Variants in MPP7 observed in about 807,000 individuals in gnomAD.
The protein encoded by MPP7 is MAGUK p55 scaffold protein 7.
Under a neutral mutation model 76.5 loss-of-function variants are expected in MPP7, and 60 were observed. That is an observed-to-expected ratio of 0.78 (90% confidence interval 0.64 to 0.97). The LOEUF (loss-of-function observed/expected upper bound fraction) is 0.97. Among genes scored for constraint, MPP7 ranks in the 50% least tolerant of loss-of-function variants. The probability of loss-of-function intolerance (pLI) is 0.00; values close to 1 mark genes in which losing one functional copy is unlikely to be tolerated. For missense variants in MPP7, 641 were observed against 694.0 expected (o/e 0.92, Z 0.86); for synonymous variants, 237 against 244.5 (o/e 0.97, Z 0.29).
At chr10:28,097,270 C>A (rs533408577) in intron 11 of MPP7, among the ~76,000 whole-genome samples, 1 of 152,276 alleles carries the variant, frequency 6.6e-6, no homozygotes, top group South Asian at 2.1e-4. Context: ...GCATGAGCCA[C>A]CATACCTCGC....
intron 3 of MPP7, among the ~76,000 whole-genome samples, chr10:28,176,944 T>A (rs1836883725): frequency 6.8e-6 from 1 of 147,812 alleles, no homozygotes; most frequent in Admixed American, 6.8e-5. Flanking sequence ...AGTTAATGGG[T>A]GCAGCACACC....
At chr10:28,202,293 C>A in intron 2 of MPP7, 22 bp from the exon 3 acceptor site, 1 of 1,538,970 alleles carries the variant, frequency 6.5e-7, no homozygotes, top group Non-Finnish European at 9.0e-7. Flanking sequence ...AAATAAAACA[C>A]AAAGTGTAAT....
intron 1 of MPP7, among the ~76,000 whole-genome samples, chr10:28,249,883 T>A (rs1285263320): frequency 6.6e-6 from 1 of 152,204 alleles, no homozygotes; most frequent in East Asian, 1.9e-4. Flanking sequence ...GGCCATTGTT[T>A]TAGCCAAGAA....
chr10:28,108,823 G>C (rs1047564307), intron 11 of MPP7, among the ~76,000 whole-genome samples: 7 of 152,094 alleles, frequency 4.6e-5, no homozygotes, highest in Admixed American at 4.6e-4. Flanking sequence ...TTAATGCCTT[G>C]AGCAATTTCT....
chr10:28,080,179 G>A (rs1045463524), intron 12 of MPP7, among the ~76,000 whole-genome samples: 1 of 151,934 alleles, frequency 6.6e-6, no homozygotes, highest in African/African-American at 2.4e-5. Context: ...AGTAAAAAGT[G>A]GGAAGCTTAT....
At chr10:28,063,714 C>T (rs1396628527) in intron 13 of MPP7, among the ~76,000 whole-genome samples, 2 of 152,130 alleles carry the variant, frequency 1.3e-5, no homozygotes, top group African/African-American at 4.8e-5. Context: ...TTATGAGAAT[C>T]TAATGTCTGA....
chr10:28,158,855 A>G (rs1836160173), intron 3 of MPP7, among the ~76,000 whole-genome samples: 1 of 152,190 alleles, frequency 6.6e-6, no homozygotes, highest in Non-Finnish European at 1.5e-5. Context: ...CTGGCCTGAG[A>G]AGAGGCAATA....
intron 2 of MPP7, among the ~76,000 whole-genome samples, chr10:28,312,012 G>A (rs573892455): frequency 1.4e-4 from 22 of 152,034 alleles, no homozygotes; most frequent in Admixed American, 5.2e-4. Flanking sequence ...GCAGGTTTAC[G>A]GTCTGGCTGA....
At chr10:28,333,582 A>G (rs1834489379) in intron 1 of MPP7, among the ~76,000 whole-genome samples, 2 of 152,236 alleles carry the variant, frequency 1.3e-5, no homozygotes, top group South Asian at 4.1e-4. Context: ...GCAACGTTGT[A>G]CATTTGTGAA....
At position 28,228,079 on chromosome 10, in the gene MPP7, T is replaced by A. The variant is rs149856714; in HGVS notation, c.37+10489A>T. Among the ~76,000 whole-genome samples the A allele has an allele frequency of 9.9e-5, 15 of 152,282 alleles. No individual in the cohort carries two copies. In the East Asian group the frequency reaches 2.9e-3, roughly 29 times the overall value. On this transcript the variant is annotated intron_variant, in intron 2 of 16. Transcript: ENST00000683449. ...AAGAAACCGAAAAGTATGAATATGA[T>A]CAAATCAAATCAGCAAAGTATACTT...
chr10:28,188,713 T>C (rs951113562), intron 3 of MPP7, among the ~76,000 whole-genome samples: 5 of 152,000 alleles, frequency 3.3e-5, no homozygotes, highest in Non-Finnish European at 7.4e-5. Flanking sequence ...TGAAAGAAGC[T>C]TGAGGGAAAA....
chr10:28,076,612 G>T (rs1427388785), intron 12 of MPP7, among the ~76,000 whole-genome samples: 4 of 152,120 alleles, frequency 2.6e-5, no homozygotes, highest in Non-Finnish European at 5.9e-5. Context: ...GCCAGGCCAG[G>T]CCCAGTGGCT....
intron 2 of MPP7, among the ~76,000 whole-genome samples, chr10:28,220,794 T>G (rs1386782738): frequency 5.3e-5 from 8 of 152,134 alleles, no homozygotes. Flanking sequence ...AGATAAAGAA[T>G]GAGTATGTAG....
chr10:28,202,201 G>A lies in MPP7; in HGVS notation c.108C>T (p.Thr36=), dbSNP rs867188273. The A allele has an allele frequency of 3.1e-6, 5 of 1,613,668 alleles. No individual in the cohort carries two copies. Among genetic ancestry groups the A allele is most frequent in the Admixed American group, 1.7e-5 (1 of 59,966 alleles). The part of the protein sequence containing the change: ...QPHVDSQEDL[T]FLWDMFGEKS... ...TTTCACCAAACATATCCCAGAGGAA[G>A]GTCAGGTCTTCCTGGCTATCCACAT... The change falls in exon 3 of 17, where the codon ACC becomes ACT. Residue 36 remains threonine (T), a synonymous_variant. Transcript: ENST00000683449.
chr10:28,280,130 G>A (rs1284095823), intron 1 of MPP7: 1 of 152,066 alleles, frequency 6.6e-6, no homozygotes, highest in Non-Finnish European at 1.5e-5. Flanking sequence ...CAACTGCCAA[G>A]ACTGCTATAC....
At chr10:28,056,459 C>A (rs376666782) in intron 16 of MPP7, 21 bp downstream of exon 16, 13 of 1,603,178 alleles carry the variant, frequency 8.1e-6, no homozygotes, top group Non-Finnish European at 5.9e-6. Context: ...ACACCTGGCC[C>A]CCAAGCATCA....
chr10:28,314,565 T>A (rs1396764245), intron 2 of MPP7, among the ~76,000 whole-genome samples: 1 of 152,194 alleles, frequency 6.6e-6, no homozygotes, highest in African/African-American at 2.4e-5. Context: ...TTGAGAACAA[T>A]CGCAAAGTGT....
At chr10:28,138,796 A>G (rs1168251386) in intron 5 of MPP7, among the ~76,000 whole-genome samples, 1 of 152,258 alleles carries the variant, frequency 6.6e-6, no homozygotes, top group East Asian at 1.9e-4. Flanking sequence ...AATGTCATAT[A>G]AATGTACAGA....
intron 3 of MPP7, among the ~76,000 whole-genome samples, chr10:28,182,993 G>A (rs1410275173): frequency 2.6e-5 from 4 of 152,166 alleles, no homozygotes; most frequent in African/African-American, 4.8e-5. Flanking sequence ...CAAGAGAATC[G>A]CTTGAACCTG....
Sources: gnomAD v4.1 joint callset for allele counts (sites outside exome capture counted in the v4.1 genomes callset) on GRCh38, gnomAD v4.1.1 for gene constraint, MANE v1.5 for transcripts, NCBI Gene and HGNC (gene_info 2026-07-23, HGNC 2026-07-21) for gene names.